Variants in UPF3A observed in about 807,000 individuals in gnomAD.
The protein encoded by UPF3A is UPF3A regulator of nonsense mediated mRNA decay.
In UPF3A, 42 loss-of-function variants were observed where a neutral mutation model predicts 53.5. The observed-to-expected ratio is 0.78, with a 90% confidence interval of 0.61 to 1.01. The LOEUF is 1.01. Among genes scored for constraint, UPF3A ranks in the 50% least tolerant of loss-of-function variants. The pLI, the probability that UPF3A is intolerant of heterozygous loss-of-function variation, is 0.00. For synonymous variants in UPF3A, 237 were observed against 225.3 expected (o/e 1.05, Z -0.47); for missense variants, 575 against 598.0 (o/e 0.96, Z 0.40).
intron 7 of UPF3A, among the ~76,000 whole-genome samples, chr13:114,295,130 A>G (rs1223448273): frequency 6.7e-6 from 1 of 148,958 alleles, no homozygotes; most frequent in Non-Finnish European, 1.5e-5. Flanking sequence ...AAAAAAAAAG[A>G]AAAGAAATAC....
chr13:114,295,320 TC>T (rs1346849479), intron 7 of UPF3A, among the ~76,000 whole-genome samples: 50 of 140,446 alleles, frequency 3.6e-4, no homozygotes, highest in African/African-American at 1.2e-3. Context: ...GCTCCCCAGC[TC>T]GTCTCCAGCA....
intron 7 of UPF3A, among the ~76,000 whole-genome samples, chr13:114,295,752 T>C (rs529313430): frequency 7.9e-5 from 12 of 152,336 alleles, no homozygotes; most frequent in African/African-American, 2.2e-4. Flanking sequence ...CAGGCGCAAG[T>C]TCCTTCGAGG....
chr13:114,288,710 C>T (rs1594774983), intron 5 of UPF3A, among the ~76,000 whole-genome samples: 1 of 152,000 alleles, frequency 6.6e-6, no homozygotes, highest in Non-Finnish European at 1.5e-5. Context: ...CTGGACAGGA[C>T]CGACAGACGG....
At chr13:114,293,281 G>T (rs914016521) in intron 7 of UPF3A, among the ~76,000 whole-genome samples, 3 of 151,202 alleles carry the variant, frequency 2.0e-5, no homozygotes, top group African/African-American at 7.3e-5. Context: ...CTACTCAGGA[G>T]GCTGAGGCAG....
intron 5 of UPF3A, among the ~76,000 whole-genome samples, chr13:114,287,843 G>C (rs988017056): frequency 1.3e-5 from 2 of 152,010 alleles, no homozygotes; most frequent in Non-Finnish European, 2.9e-5. Flanking sequence ...CCCCCACTCT[G>C]TTGCCCAGGC....
chr13:114,282,440 G>T, intron 2 of UPF3A: 24 of 985,290 alleles, frequency 2.4e-5, no homozygotes, highest in Non-Finnish European at 2.8e-5. Flanking sequence ...GTCCGCGGAC[G>T]GGGCGCTGCG....
intron 3 of UPF3A, among the ~76,000 whole-genome samples, chr13:114,284,868 G>T (rs564389490): frequency 1.2e-4 from 19 of 152,196 alleles, no homozygotes; most frequent in Admixed American, 3.9e-4. Flanking sequence ...GCCCAGGCTG[G>T]TGTCAAACTC....
At chr13:114,290,738 T>C (rs2085192206) in intron 5 of UPF3A, among the ~76,000 whole-genome samples, 2 of 150,240 alleles carry the variant, frequency 1.3e-5, no homozygotes, top group Non-Finnish European at 3.0e-5. Context: ...TTTTTTCTTT[T>C]TTTTTTTTTT....
intron 8 of UPF3A, among the ~76,000 whole-genome samples, 200 bp from the exon 9 acceptor site, chr13:114,301,531 A>G (rs549543774): frequency 3.6e-4 from 55 of 151,986 alleles, no homozygotes; most frequent in African/African-American, 1.3e-3. Flanking sequence ...GAAATGACAG[A>G]TACTATTACT....
chr13:114,298,466 G>A (rs1283840863), intron 7 of UPF3A, among the ~76,000 whole-genome samples: 1 of 152,098 alleles, frequency 6.6e-6, no homozygotes, highest in Admixed American at 6.5e-5. Flanking sequence ...CTTGAACCTT[G>A]GAGGCGGAGG....
rs776554800 is a variant in UPF3A, at chr13:114,281,811, A to G, written c.172A>G (p.Lys58Glu). 1 of 1,546,614 alleles carries G rather than the reference A, an allele frequency of 6.5e-7. No homozygotes were observed. Among genetic ancestry groups the G allele is most frequent in the South Asian group, 1.2e-5 (1 of 83,898 alleles). The change falls in exon 1 of 10, where the codon AAA becomes GAA. Residue 58 changes from lysine to glutamate, a missense_variant. Lys to Glu is a moderately conservative substitution (Grantham distance 56). This residue lies in a region of UPF3A where 252 missense variants were observed against 182.7 expected (regional missense o/e 1.38). Coordinates refer to ENST00000375299, the MANE Select transcript of UPF3A (RefSeq NM_023011.4). Reference protein sequence around the residue: ...SSSGCGGGAGKPREEKRTALS... With the variant: ...SSSGCGGGAGEPREEKRTALS... ...CTCCGGTTGCGGGGGCGGTGCGGGC[A>G]AACCTCGCGAGGAGAAGAGGACGGC... is the stretch of plus-strand genomic sequence containing the variant.
At chr13:114,281,895 T>TTAGTGGAGG in intron 1 of UPF3A, 49 bp downstream of exon 1, 1 of 833,764 alleles carries the variant, frequency 1.2e-6, no homozygotes, top group East Asian at 4.7e-5. Flanking sequence ...AGGACGGCCC[T>TTAGTGGAGG]GAGTGGAGGG....
At chr13:114,301,329 C>T (rs777862999) in intron 8 of UPF3A, among the ~76,000 whole-genome samples, 44 of 151,672 alleles carry the variant, frequency 2.9e-4, no homozygotes, top group Non-Finnish European at 6.2e-4. Flanking sequence ...CGGGCGTGGT[C>T]GCGGGCACCT....
intron 5 of UPF3A, chr13:114,287,181 C>T (rs2084777243): frequency 6.5e-6 from 1 of 153,264 alleles, no homozygotes; most frequent in Non-Finnish European, 1.5e-5. Flanking sequence ...AACATACTTC[C>T]CAGTAGCACC....
At chr13:114,282,438 A>G (rs2084188659) in intron 2 of UPF3A, 5 of 985,138 alleles carry the variant, frequency 5.1e-6, no homozygotes, top group Non-Finnish European at 6.0e-6. Context: ...TCGTCCGCGG[A>G]CGGGGCGCTG....
At chr13:114,297,305 A>G (rs2086142962) in intron 7 of UPF3A, among the ~76,000 whole-genome samples, 1 of 151,454 alleles carries the variant, frequency 6.6e-6, no homozygotes, top group South Asian at 2.1e-4. Context: ...GAGAAAGGCC[A>G]GGGGCATACA....
At chr13:114,295,294 G>A (rs558190439) in intron 7 of UPF3A, among the ~76,000 whole-genome samples, 2 of 105,282 alleles carry the variant, frequency 1.9e-5, no homozygotes, top group East Asian at 2.5e-4. Flanking sequence ...CTTGCAGGGC[G>A]TGGCAGAGCT....
At position 114,295,061 on chromosome 13, in the gene UPF3A, A is replaced by C. The variant is rs2464272; in HGVS notation, c.846+3269A>C. 2.7e-5 allele frequency among the ~76,000 whole-genome samples: 4 copies of C among 148,630 alleles called. No homozygotes were observed. In the South Asian group the frequency reaches 8.6e-4, roughly 32 times the overall value. ...CGGGAGGCGGAGCTTGCAGTGAGCC[A>C]AGATTGCGCCACTGCACTCCAGCCT... On this transcript the variant is annotated intron_variant, in intron 7 of 9. Coordinates refer to ENST00000375299, the MANE Select transcript of UPF3A (RefSeq NM_023011.4).
Position 114,294,883 on chromosome 13 carries a change from T to C in UPF3A, c.846+3091T>C, listed in dbSNP as rs552128852. Among the ~76,000 whole-genome samples the C allele has an allele frequency of 3.5e-3, 495 of 141,214 alleles. 1 individual carries two copies. Among genetic ancestry groups the C allele is most frequent in the Middle Eastern group, 4.8e-3 (1 of 208 alleles). 92.6% of individuals were successfully genotyped at this position (141,214 alleles called of 152,430 possible). On this transcript the variant is annotated intron_variant, in intron 7 of 9. Coordinates refer to ENST00000375299, the MANE Select transcript of UPF3A (RefSeq NM_023011.4). ...ATCCTGGCACTTTGGGAGGCCGAGG[T>C]GGGCGGATCATTAGGTCAGGAGATC...
Sources: gnomAD v4.1 joint callset for allele counts (sites outside exome capture counted in the v4.1 genomes callset) on GRCh38, gnomAD v4.1.1 for gene constraint, gnomAD v4.1.1 regional missense constraint, MANE v1.5 for transcripts, NCBI Gene and HGNC (gene_info 2026-07-23, HGNC 2026-07-21) for gene names.